AGBL4: variants seen among roughly 807,000 people sequenced by gnomAD.
AGBL4 encodes the protein AGBL carboxypeptidase 4, also known as cytosolic carboxypeptidase 6.
In AGBL4, 58 loss-of-function variants were observed where a neutral mutation model predicts 66.4. The ratio of observed to expected loss-of-function variants is 0.87; its 90% CI spans 0.71 to 1.09. AGBL4 has a LOEUF of 1.09. Among genes scored for constraint, AGBL4 ranks in the 50% least tolerant of loss-of-function variants. The pLI is 0.00. For synonymous variants in AGBL4, 234 were observed against 222.9 expected, an observed-to-expected ratio of 1.05 and a Z score of -0.44; for missense variants, 579 against 631.0, an observed-to-expected ratio of 0.92 and a Z score of 0.88.
chr1:49,038,690 C>CT (rs1664861766), intron 5 of AGBL4, among the ~76,000 whole-genome samples: 1 of 152,036 alleles, frequency 6.6e-6, no homozygotes, highest in African/African-American at 2.4e-5. Context: ...ATCAAGAACA[C>CT]TGACAACACT....
intron 5 of AGBL4, among the ~76,000 whole-genome samples, chr1:48,971,104 G>T (rs1268139932): frequency 1.2e-4 from 18 of 152,110 alleles, no homozygotes; most frequent in Non-Finnish European, 2.4e-4. Context: ...TATGGCAGGG[G>T]TCCCCAAACC....
intron 1 of AGBL4, chr1:49,996,273 C>A (rs1660362227): frequency 6.6e-6 from 1 of 152,088 alleles, no homozygotes; most frequent in South Asian, 2.1e-4. Flanking sequence ...CTCAAGGAGG[C>A]ACCAGAGAAA....
chr1:48,770,039 GACAGGGAGCTCAGCACCAT>G (rs1644735354), intron 6 of AGBL4, among the ~76,000 whole-genome samples: 6 of 152,244 alleles, frequency 3.9e-5, no homozygotes, highest in African/African-American at 1.4e-4. Flanking sequence ...CACCTTTAGT[GACAGGGAGCTCAGCACCAT>G]GCTAGAAGCC....
chr1:49,852,386 T>C (rs1205612695), intron 1 of AGBL4, among the ~76,000 whole-genome samples: 10 of 152,022 alleles, frequency 6.6e-5, no homozygotes, highest in Non-Finnish European at 1.5e-4. Context: ...AATATGAGAG[T>C]GTGGAACTAC....
Position 49,626,060 on chromosome 1 carries a change from A to C in AGBL4, c.282+71253T>G, listed in dbSNP as rs372160369. 2.6e-5 allele frequency among the ~76,000 whole-genome samples: 4 copies of C among 152,236 alleles called. 1 individual carries two copies. The highest frequency in any genetic ancestry group is 9.6e-5 in the African/African-American group (4 of 41,538). On this transcript the variant is annotated intron_variant, in intron 3 of 13. Coordinates refer to ENST00000371839, the MANE Select transcript of AGBL4 (RefSeq NM_032785.4). ...TTAAAACTACTGGTAGGTTATTGAG[A>C]GTGTTAATGTGTGGCATCACTCCTA...
At chr1:49,950,149 TATATATATACACAC>T (rs1357324582) in intron 1 of AGBL4, among the ~76,000 whole-genome samples, 1 of 144,098 alleles carries the variant, frequency 6.9e-6, no homozygotes, top group East Asian at 2.0e-4. Context: ...CACATATGTG[TATATATATACACAC>T]ATATATATAT....
intron 2 of AGBL4, among the ~76,000 whole-genome samples, chr1:49,847,714 T>C (rs563101077): frequency 6.6e-6 from 1 of 151,912 alleles, no homozygotes; most frequent in Non-Finnish European, 1.5e-5. Context: ...TGTTTTTTTT[T>C]TTTTTGAGAT....
chr1:49,438,231 A>G (rs1645946995), intron 3 of AGBL4, among the ~76,000 whole-genome samples: 1 of 152,182 alleles, frequency 6.6e-6, no homozygotes, highest in South Asian at 2.1e-4. Context: ...CAAGCTTATG[A>G]AATTTGGTCT....
chr1:49,653,737 G>A (rs969230543), intron 3 of AGBL4, among the ~76,000 whole-genome samples: 3 of 151,510 alleles, frequency 2.0e-5, no homozygotes, highest in Non-Finnish European at 4.4e-5. Context: ...CTTGAAGACT[G>A]TCTTGCTGAA....
At chr1:49,337,031 A>C (rs1570464980) in intron 3 of AGBL4, among the ~76,000 whole-genome samples, 1 of 152,328 alleles carries the variant, frequency 6.6e-6, no homozygotes, top group East Asian at 1.9e-4. Flanking sequence ...CTATCCCATT[A>C]GCTTTTTCTA....
intron 6 of AGBL4, among the ~76,000 whole-genome samples, chr1:48,751,287 T>C (rs1432592213): frequency 6.6e-6 from 1 of 152,082 alleles, no homozygotes; most frequent in African/African-American, 2.4e-5. Flanking sequence ...AGCTCAAGGG[T>C]CCTGCAGTCA....
intron 2 of AGBL4, among the ~76,000 whole-genome samples, chr1:49,825,677 G>A (rs1050740718): frequency 6.6e-6 from 1 of 152,144 alleles, no homozygotes; most frequent in East Asian, 1.9e-4. Flanking sequence ...TTGAAGACTT[G>A]AATAGAACAA....
intron 3 of AGBL4, among the ~76,000 whole-genome samples, chr1:49,454,360 C>T (rs1369707091): frequency 6.6e-6 from 1 of 151,738 alleles, no homozygotes; most frequent in Non-Finnish European, 1.5e-5. Context: ...TACCTTCATA[C>T]CAAGAGCGGC....
At chr1:48,751,582 TC>T (rs1422269712) in intron 6 of AGBL4, among the ~76,000 whole-genome samples, 1 of 152,216 alleles carries the variant, frequency 6.6e-6, no homozygotes, top group African/African-American at 2.4e-5. Flanking sequence ...AAGCAGGTAT[TC>T]CTAGAAACCA....
chr1:49,851,273 T>C lies in AGBL4; in HGVS notation c.157+123A>G. On this transcript the variant is annotated intron_variant, in intron 2 of 13. Coordinates refer to ENST00000371839, the MANE Select transcript of AGBL4 (RefSeq NM_032785.4). Reference sequence around the variant, plus strand: ...CTTCAAAATTTTTTCCCATAAAACTTGTCCCATTATTGTGAAATATTAAAT... The same window carrying C: ...CTTCAAAATTTTTTCCCATAAAACTCGTCCCATTATTGTGAAATATTAAAT... 6.2e-6 allele frequency: 7 copies of C among 1,130,832 alleles called. No individual in the cohort carries two copies. In the South Asian group the frequency reaches 2.4e-4, roughly 39 times the overall value. 70.0% of individuals were successfully genotyped at this position (1,130,832 alleles called of 1,614,324 possible). A position where few individuals can be genotyped will look rare whatever the true frequency, so the allele number is the denominator to read the frequency against.
chr1:49,803,757 T>G (rs1250955137), intron 2 of AGBL4, among the ~76,000 whole-genome samples: 2 of 152,202 alleles, frequency 1.3e-5, no homozygotes, highest in Non-Finnish European at 2.9e-5. Context: ...TTAGCAAATA[T>G]GTCATTGCCA....
intron 11 of AGBL4, among the ~76,000 whole-genome samples, chr1:48,573,162 C>A (rs898542358): frequency 6.6e-5 from 10 of 152,218 alleles, no homozygotes; most frequent in Non-Finnish European, 1.2e-4. Flanking sequence ...CCCCAGCCCC[C>A]TCCTGCTCTT....
intron 2 of AGBL4, among the ~76,000 whole-genome samples, chr1:49,802,251 C>G (rs1043026190): frequency 6.6e-6 from 1 of 151,196 alleles, no homozygotes; most frequent in African/African-American, 2.4e-5. Context: ...AGCCTATAAA[C>G]AGACACATCG....
chr1:48,820,880 C>T (rs1646296811), intron 6 of AGBL4, among the ~76,000 whole-genome samples: 1 of 152,002 alleles, frequency 6.6e-6, no homozygotes, highest in South Asian at 2.1e-4. Context: ...CCAGAATCTA[C>T]AATAAACTCA....
Sources: gnomAD v4.1 joint callset for allele counts (sites outside exome capture counted in the v4.1 genomes callset) on GRCh38, gnomAD v4.1.1 for gene constraint, MANE v1.5 for transcripts, NCBI Gene and HGNC (gene_info 2026-07-23, HGNC 2026-07-21) for gene names.